Variants in FGF4 observed in about 807,000 individuals in gnomAD.
FGF4 encodes the protein heparin secretory transforming protein 1.
FGF4 carries 9 observed loss-of-function variants against 15.7 expected under a neutral mutation model. The observed-to-expected ratio is 0.57, with a 90% CI of 0.35 to 1.00. FGF4 has a LOEUF of 1.00. Among genes scored for constraint, FGF4 ranks in the 50% least tolerant of loss-of-function variants. The pLI, the probability that FGF4 is intolerant of heterozygous loss-of-function variation, is 0.02. For missense variants in FGF4, 286 were observed against 297.3 expected, an observed-to-expected ratio of 0.96 and a Z score of 0.28; for synonymous variants, 164 against 144.8, an observed-to-expected ratio of 1.13 and a Z score of -0.95.
rs1855594152 is a variant in FGF4, at chr11:69,773,240, C to G, written c.*69G>C. 2.9e-6 allele frequency: 4 copies of G among 1,357,870 alleles called. No homozygotes were observed. In the East Asian group the frequency reaches 9.2e-5, roughly 31 times the overall value. 84.1% of individuals were successfully genotyped at this position (1,357,870 alleles called of 1,614,324 possible). On this transcript the variant is annotated 3_prime_UTR_variant, in exon 3 of 3. Transcript: ENST00000168712. Reference sequence around the variant, plus strand: ...TTAAACTCTTCATCCGAAGAAAGTGCACCAAGGTGACCCTCGGCACTGCCC... The same window carrying G: ...TTAAACTCTTCATCCGAAGAAAGTGGACCAAGGTGACCCTCGGCACTGCCC...
At position 69,773,102 on chromosome 11, in the gene FGF4, T is replaced by C; in HGVS notation, c.*207A>G. Reference sequence around the variant, plus strand: ...AAGTCAGAGTTGGTTTTTTGTTTTGTCTTTTTTTCCCCCCAGAAAATTAAA... The same window carrying C: ...AAGTCAGAGTTGGTTTTTTGTTTTGCCTTTTTTTCCCCCCAGAAAATTAAA... On this transcript the variant is annotated 3_prime_UTR_variant, in exon 3 of 3. Coordinates refer to ENST00000168712, the MANE Select transcript of FGF4 (RefSeq NM_002007.4). 6.3e-6 allele frequency: 3 copies of C among 479,016 alleles called. No homozygotes were observed. 29.7% of individuals were successfully genotyped at this position (479,016 alleles called of 1,614,324 possible).
Position 69,775,135 on chromosome 11 carries a change from T to C in FGF4, c.-51A>G. ...CAGGCGGTCAGTGCGCCCGGGAAGC[T>C]GGGGGGCAGAGCTGCGCCTGTGGCG... On this transcript the variant is annotated 5_prime_UTR_variant, in exon 1 of 3. Transcript: ENST00000168712. 8.5e-7 allele frequency: 1 copy of C among 1,181,546 alleles called. No individual in the cohort carries two copies. The highest frequency in any genetic ancestry group is 1.1e-6 in the Non-Finnish European group (1 of 929,032). 73.2% of individuals were successfully genotyped at this position (1,181,546 alleles called of 1,614,324 possible). A position where few individuals can be genotyped will look rare whatever the true frequency, so the allele number is the denominator to read the frequency against.
At chr11:69,774,249 C>G in intron 1 of FGF4, 122 bp from the exon 2 acceptor site, 1 of 782,508 alleles carries the variant, frequency 1.3e-6, no homozygotes, top group South Asian at 1.7e-5. Context: ...CCAGGGTTCC[C>G]GGCGCAGCCG....
In FGF4 at chr11:69,771,180, C is replaced by G. The variant is rs954807228; in HGVS notation, c.*2129G>C. ...AACGAGGGTCGGCACCTGTATAAAA[C>G]TACAGATTCTGAAAACAGTGGCACA... On this transcript the variant is annotated 3_prime_UTR_variant, in exon 3 of 3. Coordinates refer to ENST00000168712, the MANE Select transcript of FGF4 (RefSeq NM_002007.4). 6.6e-6 allele frequency: 1 copy of G among 152,202 alleles called. No individual in the cohort carries two copies. The highest frequency in any genetic ancestry group is 2.4e-5 in the African/African-American group (1 of 41,456). 9.4% of individuals were successfully genotyped at this position (152,202 alleles called of 1,614,324 possible). A position where few individuals can be genotyped will look rare whatever the true frequency, so the allele number is the denominator to read the frequency against.
In FGF4 at chr11:69,774,806, G is replaced by T; in HGVS notation, c.279C>A (p.Gly93=). The change falls in exon 1 of 3, where the codon GGC becomes GGA. Residue 93 remains glycine (G), a synonymous_variant. Coordinates refer to ENST00000168712, the MANE Select transcript of FGF4 (RefSeq NM_002007.4). ...LRRLYCNVGI[G]FHLQALPDGR... ...CGTCGGGGAGCGCCTGGAGGTGGAAGCCGATGCCCACGTTGCAGTAGAGCC... is the reference window on the plus strand; with the variant it reads ...CGTCGGGGAGCGCCTGGAGGTGGAATCCGATGCCCACGTTGCAGTAGAGCC... 6.5e-7 allele frequency: 1 copy of T among 1,528,194 alleles called. No individual in the cohort carries two copies. The highest frequency in any genetic ancestry group is 8.7e-7 in the Non-Finnish European group (1 of 1,148,306). The allele number at this position is 1,528,194 out of a possible 1,614,324, so 94.7% of individuals were successfully genotyped here. A position where few individuals can be genotyped will look rare whatever the true frequency, so the allele number is the denominator to read the frequency against.
rs747806374 is a variant in FGF4 at position 69,774,095 on chromosome 11, C to T, written c.373G>A (p.Val125Met). The T allele has an allele frequency of 1.9e-6, 3 of 1,612,816 alleles. No individual in the cohort carries two copies. The East Asian group carries it at 6.7e-5, about 36-fold the overall frequency. ...LLELSPVERG[V>M]VSIFGVASRF... is the part of the protein sequence containing the mutation. ...CTGGCCACGCCGAAGATGCTCACCA[C>T]GCCCCGCTCCACGGGCGAGAGCTCC... is the stretch of plus-strand genomic sequence containing the variant. The change falls in exon 2 of 3, where the codon GTG becomes ATG. Residue 125 changes from valine to methionine, a missense_variant. Transcript: ENST00000168712.
In FGF4 at chr11:69,771,471, C is replaced by T. The variant is rs1855567701; in HGVS notation, c.*1838G>A. 1 of 152,134 alleles carries T rather than the reference C, an allele frequency of 6.6e-6. No individual in the cohort carries two copies. Among genetic ancestry groups the T allele is most frequent in the Admixed American group, 6.5e-5 (1 of 15,274 alleles). The allele number at this position is 152,134 out of a possible 1,614,324, so 9.4% of individuals were successfully genotyped here. On this transcript the variant is annotated 3_prime_UTR_variant, in exon 3 of 3. Coordinates refer to ENST00000168712, the MANE Select transcript of FGF4 (RefSeq NM_002007.4). ...TTCAGAAAGTCGACGGATGATCCCT[C>T]CACACCCCCCAACGCCAAACAGCAT...
In FGF4 at chr11:69,775,324, C is replaced by T; in HGVS notation, c.-240G>A. On this transcript the variant is annotated 5_prime_UTR_variant, in exon 1 of 3. Coordinates refer to ENST00000168712, the MANE Select transcript of FGF4 (RefSeq NM_002007.4). ...AGCTGGGACTCTGAGGAGCAGTGCG[C>T]GCCTCCCTGAGCGCCAGGCCCGCCC... is the stretch of plus-strand genomic sequence containing the variant. 2.7e-6 allele frequency: 1 copy of T among 364,000 alleles called. No individual in the cohort carries two copies. 22.5% of individuals were successfully genotyped at this position (364,000 alleles called of 1,614,324 possible).
Position 69,771,709 on chromosome 11 carries a change from A to G in FGF4, c.*1600T>C, listed in dbSNP as rs1590950273. On this transcript the variant is annotated 3_prime_UTR_variant, in exon 3 of 3. Coordinates refer to ENST00000168712, the MANE Select transcript of FGF4 (RefSeq NM_002007.4). Reference sequence around the variant, plus strand: ...TTCGAACAAAGAGTTTTCAAAAGGAATGTGAAAGACAAAAACTCCAATCAG... The same window carrying G: ...TTCGAACAAAGAGTTTTCAAAAGGAGTGTGAAAGACAAAAACTCCAATCAG... 6.6e-6 allele frequency: 1 copy of G among 152,238 alleles called. No homozygotes were observed. The highest frequency in any genetic ancestry group is 1.9e-4 in the East Asian group (1 of 5,202). 9.4% of individuals were successfully genotyped at this position (152,238 alleles called of 1,614,324 possible). A position where few individuals can be genotyped will look rare whatever the true frequency, so the allele number is the denominator to read the frequency against.
At chr11:69,774,591 C>T (rs1855615737) in intron 1 of FGF4, among the ~76,000 whole-genome samples, 154 bp downstream of exon 1, 1 of 152,128 alleles carries the variant, frequency 6.6e-6, no homozygotes, top group Non-Finnish European at 1.5e-5. Flanking sequence ...GCGTCCCCAG[C>T]CCCGCGTCAG....
At position 69,772,871 on chromosome 11, in the gene FGF4, G is replaced by A. The variant is rs1029278380; in HGVS notation, c.*438C>T. On this transcript the variant is annotated 3_prime_UTR_variant, in exon 3 of 3. Coordinates refer to ENST00000168712, the MANE Select transcript of FGF4 (RefSeq NM_002007.4). ...GAGTGGGCCTCTGAGGATGCTAGCCGAGAGCCAAGCCTGGGAGCTCCCTGA... is the reference window on the plus strand; with the variant it reads ...GAGTGGGCCTCTGAGGATGCTAGCCAAGAGCCAAGCCTGGGAGCTCCCTGA... 2.6e-5 allele frequency: 5 copies of A among 195,606 alleles called. No individual in the cohort carries two copies. Among genetic ancestry groups the A allele is most frequent in the South Asian group, 1.6e-4 (1 of 6,344 alleles). 12.1% of individuals were successfully genotyped at this position (195,606 alleles called of 1,614,324 possible).
chr11:69,774,723 C>T (rs1855617815), intron 1 of FGF4, 22 bp downstream of exon 1: 2 of 1,419,210 alleles, frequency 1.4e-6, no homozygotes, highest in Non-Finnish European at 1.8e-6. Context: ...CCCGCCCCTT[C>T]GCGCCTGGCC....
rs1256030404 is a variant in FGF4, at chr11:69,771,730, A to G, written c.*1579T>C. The stretch of plus-strand genomic sequence containing the variant: ...AGGAATGTGAAAGACAAAAACTCCA[A>G]TCAGATTTTCCAGTCTTGCTGTCTG... On this transcript the variant is annotated 3_prime_UTR_variant, in exon 3 of 3. Transcript: ENST00000168712. The G allele has an allele frequency of 6.6e-6, 1 of 152,202 alleles. No homozygotes were observed. The highest frequency in any genetic ancestry group is 2.4e-5 in the African/African-American group (1 of 41,456). 9.4% of individuals were successfully genotyped at this position (152,202 alleles called of 1,614,324 possible). A position where few individuals can be genotyped will look rare whatever the true frequency, so the allele number is the denominator to read the frequency against.
chr11:69,773,291 C>T lies in FGF4; in HGVS notation c.*18G>A, dbSNP rs374983946. 56 of 1,613,242 alleles carry T rather than the reference C, an allele frequency of 3.5e-5. 1 individual carries two copies. The highest frequency in any genetic ancestry group is 2.2e-4 in the South Asian group (20 of 91,034). On this transcript the variant is annotated 3_prime_UTR_variant, in exon 3 of 3. Transcript: ENST00000168712. ...TCCCAGGGGCTTCCCGAGGCTGAGGCAAGGGTCCTCTGGAGGGTCACAGCC... is the reference window on the plus strand; with the variant it reads ...TCCCAGGGGCTTCCCGAGGCTGAGGTAAGGGTCCTCTGGAGGGTCACAGCC...
chr11:69,775,036 GC>G lies in FGF4; in HGVS notation c.48del (p.Leu17TrpfsTer110). 1.4e-6 allele frequency: 2 copies of G among 1,417,738 alleles called. No homozygotes were observed. Among genetic ancestry groups the G allele is most frequent in the Non-Finnish European group, 1.8e-6 (2 of 1,092,398 alleles). The allele number at this position is 1,417,738 out of a possible 1,614,324, so 87.8% of individuals were successfully genotyped here. On this transcript the variant is annotated frameshift_variant, in exon 1 of 3. Coordinates refer to ENST00000168712, the MANE Select transcript of FGF4 (RefSeq NM_002007.4). LOFTEE classifies it high-confidence loss of function. ...TAAVALLPAV[L>X]LALLAPWAGR... is the part of the protein sequence containing the mutation. ...CCCGCCCAGGGCGCCAGCAAGGCCA[GC>G]AGGACCGCCGGGAGCAGCGCTACCG...
At chr11:69,774,610 G>A (rs1395089280) in intron 1 of FGF4, 135 bp downstream of exon 1, 4 of 614,410 alleles carry the variant, frequency 6.5e-6, no homozygotes, top group East Asian at 3.5e-5. Flanking sequence ...AGAAGGGACC[G>A]GAGCCCGAGT....
rs1855629808 is a variant in FGF4, at chr11:69,775,322, C to A, written c.-238G>T. Reference sequence around the variant, plus strand: ...GGAGCTGGGACTCTGAGGAGCAGTGCGCGCCTCCCTGAGCGCCAGGCCCGC... The same window carrying A: ...GGAGCTGGGACTCTGAGGAGCAGTGAGCGCCTCCCTGAGCGCCAGGCCCGC... On this transcript the variant is annotated 5_prime_UTR_variant, in exon 1 of 3. Transcript: ENST00000168712. 5.6e-6 allele frequency: 2 copies of A among 354,540 alleles called. No individual in the cohort carries two copies. The highest frequency in any genetic ancestry group is 9.4e-5 in the Admixed American group (2 of 21,296). The allele number at this position is 354,540 out of a possible 1,614,324, so 22.0% of individuals were successfully genotyped here.
At chr11:69,773,665 C>T (rs908478812) in intron 2 of FGF4, among the ~76,000 whole-genome samples, 180 bp from the exon 3 acceptor site, 1 of 151,896 alleles carries the variant, frequency 6.6e-6, no homozygotes, top group African/African-American at 2.4e-5. Flanking sequence ...CAGCCCACAA[C>T]AGCTGGTGCT....
intron 2 of FGF4, 63 bp downstream of exon 2, chr11:69,773,960 CG>C: frequency 7.3e-7 from 1 of 1,375,742 alleles, no homozygotes; most frequent in African/African-American, 1.4e-5. Context: ...GGAGAAGCCA[CG>C]AGCCTGCTAG....
Sources: gnomAD v4.1 joint callset for allele counts (sites outside exome capture counted in the v4.1 genomes callset) on GRCh38, gnomAD v4.1.1 for gene constraint, MANE v1.5 for transcripts, NCBI Gene and HGNC (gene_info 2026-07-23, HGNC 2026-07-21) for gene names.